The following SH3KBP1 variants were observed in gnomAD, a reference collection of about 807,000 sequenced individuals.
SH3KBP1 encodes SH3 domain containing kinase binding protein 1.
Under a neutral mutation model 50.1 loss-of-function variants are expected in SH3KBP1, and 8 were observed. That is an observed-to-expected ratio of 0.16 (90% CI 0.09 to 0.29). The LOEUF (loss-of-function observed/expected upper bound fraction) is 0.29. SH3KBP1 is among the 10% of genes least tolerant of loss of function. The probability of loss-of-function intolerance (pLI) is 1.00; values close to 1 mark genes in which losing one functional copy is unlikely to be tolerated. For missense variants in SH3KBP1, 377 were observed against 535.2 expected (o/e 0.70, Z 2.92); for synonymous variants, 227 against 218.6 (o/e 1.04, Z -0.34).
chrX:19,772,410 AG>A (rs1167689827), intron 2 of SH3KBP1, among the ~76,000 whole-genome samples: 1 of 111,052 alleles, frequency 9.0e-6, no homozygotes, highest in African/African-American at 3.3e-5. Flanking sequence ...AAATGGAAGG[AG>A]GGAGGTCAAA....
chrX:19,809,718 GA>G (rs1385541568), intron 2 of SH3KBP1, among the ~76,000 whole-genome samples: 2 of 111,905 alleles, frequency 1.8e-5, no homozygotes, highest in Admixed American at 1.9e-4. Flanking sequence ...CATGGAAAAC[GA>G]TAATTAATAA....
At chrX:19,828,262 G>GT (rs1180364750) in intron 2 of SH3KBP1, among the ~76,000 whole-genome samples, 3,510 of 103,505 alleles carry the variant, frequency 0.034, 161 homozygotes, top group African/African-American at 0.11. Context: ...TTCCACTGAG[G>GT]TTTTTTTTTT....
In SH3KBP1 at chrX:19,554,001, AAATAT is replaced by A. The variant is rs1261153565; in HGVS notation, c.1385-3923_1385-3919del. Among the ~76,000 whole-genome samples, 484 of 56,502 alleles carry A rather than the reference AAATAT, an allele frequency of 8.6e-3. 20 individuals are homozygous for A. Among genetic ancestry groups the A allele is most frequent in the Non-Finnish European group, 0.011 (378 of 35,314 alleles). The allele number at this position is 56,502 out of a possible 115,157, so 49.1% of individuals were successfully genotyped here. A position where few individuals can be genotyped will look rare whatever the true frequency, so the allele number is the denominator to read the frequency against. ...AAAATATAATATATAATATATATTAAAATATAATATATAATATATATTAAAATATA... is the reference window on the plus strand; with the variant it reads ...AAAATATAATATATAATATATATTAAAATATATAATATATATTAAAATATA... On this transcript the variant is annotated intron_variant, in intron 13 of 17. Transcript: ENST00000397821.
intron 2 of SH3KBP1, among the ~76,000 whole-genome samples, chrX:19,746,669 T>C (rs1320960297): frequency 8.9e-6 from 1 of 111,926 alleles, no homozygotes; most frequent in Non-Finnish European, 1.9e-5. Context: ...GAGGCGACCT[T>C]ATGTAACTAT....
In SH3KBP1 at chrX:19,551,303, C is replaced by T. The variant is rs2065230712; in HGVS notation, c.1385-1220G>A. Among the ~76,000 whole-genome samples the T allele has an allele frequency of 3.6e-5, 4 of 110,525 alleles. No individual in the cohort carries two copies. In the Admixed American group the frequency reaches 3.8e-4, roughly 11 times the overall value. On this transcript the variant is annotated intron_variant, in intron 13 of 17. Coordinates refer to ENST00000397821, the MANE Select transcript of SH3KBP1 (RefSeq NM_031892.3). ...ATGGCACAAAGGAAAACATCAGTGG[C>T]GCTCTGAAGCCAAGAGGGAGCCCAT...
chrX:19,702,019 C>T (rs1025333646), intron 4 of SH3KBP1, among the ~76,000 whole-genome samples: 2 of 112,414 alleles, frequency 1.8e-5, no homozygotes, highest in African/African-American at 6.5e-5. Flanking sequence ...CATCTCTGCA[C>T]ATTAGGAAAT....
chrX:19,778,719 TGAG>T (rs770819790), intron 2 of SH3KBP1, among the ~76,000 whole-genome samples: 1 of 110,574 alleles, frequency 9.0e-6, no homozygotes, highest in South Asian at 3.8e-4. Flanking sequence ...TTTCCACCTA[TGAG>T]GAGTAGTGTG....
intron 13 of SH3KBP1, among the ~76,000 whole-genome samples, chrX:19,556,866 C>A (rs1027734676): frequency 9.0e-6 from 1 of 110,640 alleles, no homozygotes; most frequent in African/African-American, 3.3e-5. Context: ...GAGATGAGAT[C>A]TTGCTATGTT....
At chrX:19,831,791 CAAA>C (rs368754488) in intron 2 of SH3KBP1, among the ~76,000 whole-genome samples, 7 of 36,387 alleles carry the variant, frequency 1.9e-4, no homozygotes, top group Non-Finnish European at 2.9e-4. Context: ...AACTCCATCC[CAAA>C]AAAAAAAAAA....
At chrX:19,561,117 T>C (rs186661660) in intron 13 of SH3KBP1, among the ~76,000 whole-genome samples, 183 of 103,957 alleles carry the variant, frequency 1.8e-3, no homozygotes, top group African/African-American at 5.3e-3. Flanking sequence ...ACTCATAATA[T>C]AGAATTTTAA....
At chrX:19,701,047 G>C (rs1215024189) in intron 4 of SH3KBP1, among the ~76,000 whole-genome samples, 3 of 112,077 alleles carry the variant, frequency 2.7e-5, no homozygotes, top group African/African-American at 9.7e-5. Flanking sequence ...CAACAAGACA[G>C]AGCAACATCC....
At chrX:19,649,533 C>CTTGCCACATACCTA (rs2062073628) in intron 6 of SH3KBP1, among the ~76,000 whole-genome samples, 2 of 111,741 alleles carry the variant, frequency 1.8e-5, no homozygotes, top group Admixed American at 9.5e-5. Flanking sequence ...TTTTGTCTTT[C>CTTGCCACATACCTA]TTGCCACATA....
chrX:19,630,432 T>C (rs181227985), intron 8 of SH3KBP1, among the ~76,000 whole-genome samples: 123 of 112,311 alleles, frequency 1.1e-3, no homozygotes, highest in African/African-American at 3.8e-3. Flanking sequence ...AAATAGGAAA[T>C]GCACTGTGTG....
chrX:19,873,290 GTATA>G (rs60336593), intron 1 of SH3KBP1, among the ~76,000 whole-genome samples: 42 of 71,288 alleles, frequency 5.9e-4, no homozygotes, highest in African/African-American at 1.3e-3. Flanking sequence ...ATATATATAT[GTATA>G]TATATATATA....
intron 5 of SH3KBP1, among the ~76,000 whole-genome samples, chrX:19,695,250 G>A (rs1008153525): frequency 2.7e-5 from 3 of 111,579 alleles, no homozygotes; most frequent in Non-Finnish European, 3.8e-5. Context: ...AGTCCCTCAA[G>A]GGATGCTGAG....
chrX:19,760,014 TCTCTCTCTCCTCTCTCTCTCTCTCTCC>T (rs1462218928), intron 2 of SH3KBP1, among the ~76,000 whole-genome samples: 5 of 99,940 alleles, frequency 5.0e-5, no homozygotes, highest in African/African-American at 2.1e-4. Flanking sequence ...TCTCGGTCTC[TCTCTCTCTCCTCTCTCTCTCTCTCTCC>T]CTCTCTCTCT....
chrX:19,560,077 G>A (rs2065623018), intron 13 of SH3KBP1, among the ~76,000 whole-genome samples: 1 of 110,221 alleles, frequency 9.1e-6, no homozygotes, highest in Admixed American at 9.7e-5. Context: ...CTTGAGCCCA[G>A]GAGTTCAAGT....
intron 8 of SH3KBP1, among the ~76,000 whole-genome samples, chrX:19,624,706 A>G (rs148893706): frequency 0.013 from 1,449 of 112,228 alleles, 24 homozygotes; most frequent in African/African-American, 0.045. Context: ...GCAACAAATT[A>G]TACTCCTTTG....
At chrX:19,873,711 T>C (rs1198903754) in intron 1 of SH3KBP1, among the ~76,000 whole-genome samples, 2 of 105,553 alleles carry the variant, frequency 1.9e-5, no homozygotes, top group Admixed American at 2.1e-4. Context: ...TAAAAAGAAA[T>C]ACACCAAAAT....
Sources: gnomAD v4.1 joint callset for allele counts (sites outside exome capture counted in the v4.1 genomes callset) on GRCh38, gnomAD v4.1.1 for gene constraint, MANE v1.5 for transcripts, NCBI Gene and HGNC (gene_info 2026-07-23, HGNC 2026-07-21) for gene names.